NEK2: variants seen among roughly 807,000 people sequenced by gnomAD.
The protein encoded by NEK2 is NIMA related kinase 2, also known as serine/threonine-protein kinase Nek2.
Under a neutral mutation model 54.1 loss-of-function variants are expected in NEK2, and 28 were observed. That is an observed-to-expected ratio of 0.52 (90% confidence interval 0.38 to 0.71). NEK2 has a LOEUF of 0.71. NEK2 is among the 30% of genes least tolerant of loss of function. NEK2 has a pLI of 0.00. For synonymous variants in NEK2, 176 were observed against 193.1 expected (o/e 0.91, Z 0.73); for missense variants, 407 against 531.5 (o/e 0.77, Z 2.30).
Position 211,669,345 on chromosome 1 carries a change from T to G in NEK2, c.766-13A>C. 1 of 1,605,708 alleles carries G rather than the reference T, an allele frequency of 6.2e-7. No individual in the cohort carries two copies. The highest frequency in any genetic ancestry group is 2.2e-5 in the East Asian group (1 of 44,818). On this transcript the variant is annotated splice_polypyrimidine_tract_variant and intron_variant, in intron 5 of 7. Coordinates refer to ENST00000366999, the MANE Select transcript of NEK2 (RefSeq NM_002497.4). ...GTCGATGGTAATCCTGGGGAAAAAATACTCAGTATTATAGTCAGATTGCAT... is the reference window on the plus strand; with the variant it reads ...GTCGATGGTAATCCTGGGGAAAAAAGACTCAGTATTATAGTCAGATTGCAT...
downstream of NEK2, among the ~76,000 whole-genome samples, chr1:211,662,425 T>C (rs1453028395): frequency 6.6e-6 from 1 of 152,216 alleles, no homozygotes; most frequent in Non-Finnish European, 1.5e-5. The surrounding 1 kb of genome is among the most constrained non-coding windows in gnomAD (Gnocchi z 4.2). Context: ...TCCAAACCCA[T>C]GGACATTTTG....
chr1:211,665,026 A>G (rs949234310), intron 7 of NEK2, among the ~76,000 whole-genome samples: 1 of 152,238 alleles, frequency 6.6e-6, no homozygotes, highest in African/African-American at 2.4e-5. Flanking sequence ...TATAAGAAAG[A>G]AAGTGTTTTA....
At chr1:211,674,148 G>A in intron 2 of NEK2, 148 bp downstream of exon 2, 1 of 641,144 alleles carries the variant, frequency 1.6e-6, no homozygotes. Flanking sequence ...AAATATGGGT[G>A]TTGATTCACC....
At chr1:211,659,460 TC>T (rs1654963555), downstream of NEK2, among the ~76,000 whole-genome samples, 1 of 152,204 alleles carries the variant, frequency 6.6e-6, no homozygotes, top group African/African-American at 2.4e-5. Context: ...CTTCTATGAT[TC>T]CATATACACT....
At chr1:211,662,712 C>T (rs1474647410), downstream of NEK2, 1 of 865,536 alleles carries the variant, frequency 1.2e-6, no homozygotes, top group Non-Finnish European at 1.4e-6. This position sits in a 1 kb window ranked among gnomAD's most constrained non-coding sequence, Gnocchi z 4.2. Context: ...CAATGAAGAC[C>T]TACAAATCAT....
chr1:211,675,544 G>T lies in NEK2; in HGVS notation c.-65C>A. 3 of 1,406,212 alleles carry T rather than the reference G, an allele frequency of 2.1e-6. No individual in the cohort carries two copies. The highest frequency in any genetic ancestry group is 1.2e-5 in the South Asian group (1 of 86,098). The allele number at this position is 1,406,212 out of a possible 1,614,324, so 87.1% of individuals were successfully genotyped here. On this transcript the variant is annotated 5_prime_UTR_variant, in exon 1 of 8. Coordinates refer to ENST00000366999, the MANE Select transcript of NEK2 (RefSeq NM_002497.4). ...TGCGCCGCCAAGTGCGGAGCTCCAG[G>T]GACCAGGAACTCCAGGGACCTGGAT...
downstream of NEK2, among the ~76,000 whole-genome samples, chr1:211,659,986 CTT>C (rs1266030378): frequency 6.6e-6 from 1 of 152,064 alleles, no homozygotes; most frequent in African/African-American, 2.4e-5. Flanking sequence ...ACCTGGCTAA[CTT>C]TTAAAAAAAT....
intron 5 of NEK2, 157 bp from the exon 6 acceptor site, chr1:211,669,489 G>A (rs1571644338): frequency 1.5e-6 from 1 of 656,770 alleles, no homozygotes; most frequent in East Asian, 2.7e-5. Flanking sequence ...AAGTTCACTG[G>A]TGGTTTTAAC....
chr1:211,671,288 T>C lies in NEK2; in HGVS notation c.556-4A>G, dbSNP rs760765251. The C allele has an allele frequency of 6.8e-6, 11 of 1,609,382 alleles. No homozygotes were observed. Among genetic ancestry groups the C allele is most frequent in the Middle Eastern group, 1.7e-4 (1 of 6,048 alleles). ...AGGACATGCGATTCATTTGTTCCTA[T>C]ACAGGGAAAAAGGGTAAGAAAGTGG... On this transcript the variant is annotated splice_polypyrimidine_tract_variant and splice_region_variant and intron_variant, in intron 3 of 7. Transcript: ENST00000366999.
At chr1:211,669,600 G>A in intron 5 of NEK2, 1 of 435,752 alleles carries the variant, frequency 2.3e-6, no homozygotes, top group South Asian at 2.4e-5. Flanking sequence ...CTGAAGATTG[G>A]CACATCTTGT....
chr1:211,675,345 C>T lies in NEK2; in HGVS notation c.96+39G>A, dbSNP rs1655546005. Reference sequence around the variant, plus strand: ...GGGCGCTCGCCCCGAGGCGACGAAACCTAAGCAGGGGCAGGCGCAGGGTAG... The same window carrying T: ...GGGCGCTCGCCCCGAGGCGACGAAATCTAAGCAGGGGCAGGCGCAGGGTAG... On this transcript the variant is annotated intron_variant, in intron 1 of 7. Transcript: ENST00000366999. 7 of 1,592,216 alleles carry T rather than the reference C, an allele frequency of 4.4e-6. No individual in the cohort carries two copies. In the East Asian group the frequency reaches 1.3e-4, roughly 30 times the overall value.
At chr1:211,663,719 C>T (rs991843328) in intron 7 of NEK2, 67 bp from the exon 8 acceptor site, 11 of 1,449,410 alleles carry the variant, frequency 7.6e-6, no homozygotes, top group Non-Finnish European at 9.4e-6. Flanking sequence ...CATACTTATA[C>T]TTATCAAAAA....
At position 211,669,231 on chromosome 1, in the gene NEK2, T is replaced by C. The variant is rs571593081; in HGVS notation, c.867A>G (p.Gln289=). The change falls in exon 6 of 8, where the codon CAA becomes CAG. Residue 289 remains glutamine, a synonymous_variant. Coordinates refer to ENST00000366999, the MANE Select transcript of NEK2 (RefSeq NM_002497.4). The stretch of plus-strand genomic sequence containing the variant: ...CCTGCGATTTTTCTGGCTCTCCTAA[T>C]TGTCGCCCTCTTCTCTCAAGATTTC... ...QRRNLERRGR[Q]LGEPEKSQDS... The C allele has an allele frequency of 4.6e-5, 75 of 1,613,974 alleles. No individual in the cohort carries two copies. Among genetic ancestry groups the C allele is most frequent in the African/African-American group, 2.7e-5 (2 of 74,928 alleles).
downstream of NEK2, chr1:211,661,345 C>T: frequency 2.4e-6 from 1 of 423,964 alleles, no homozygotes; most frequent in Non-Finnish European, 4.4e-6. Context: ...GGCCTATCTA[C>T]TCATCTAATT....
rs751965926 is a variant in NEK2 at position 211,674,360 on chromosome 1, T to C, written c.250A>G (p.Ile84Val). ...IIDRTNTTLY[I>V]VMEYCEGGDL... Reference sequence around the variant, plus strand: ...CCTCCTTCACAATATTCCATTACAATGTACAGTGTTGTATTGGTCCGGTCA... The same window carrying C: ...CCTCCTTCACAATATTCCATTACAACGTACAGTGTTGTATTGGTCCGGTCA... Residue 84 changes from isoleucine (I) to valine (V), a missense_variant, in exon 2 of 8, where the codon ATT becomes GTT. Ile to Val is a conservative substitution (Grantham distance 29). Transcript: ENST00000366999. The C allele has an allele frequency of 1.2e-6, 2 of 1,614,076 alleles. No homozygotes were observed. The highest frequency in any genetic ancestry group is 4.5e-5 in the East Asian group (2 of 44,872).
At chr1:211,658,286 C>CT (rs541693722), downstream of NEK2, among the ~76,000 whole-genome samples, 92 of 148,484 alleles carry the variant, frequency 6.2e-4, no homozygotes, top group East Asian at 0.011. Flanking sequence ...TATTTATTTA[C>CT]TTTTTTTTTT....
At chr1:211,671,582 A>C (rs926684148) in intron 3 of NEK2, among the ~76,000 whole-genome samples, 1 of 152,240 alleles carries the variant, frequency 6.6e-6, no homozygotes, top group African/African-American at 2.4e-5. Flanking sequence ...ATTAAGAAAC[A>C]CCATTTTAAA....
chr1:211,661,157 C>T (rs1655008886), downstream of NEK2: 16 of 741,176 alleles, frequency 2.2e-5, no homozygotes, highest in South Asian at 2.2e-4. Flanking sequence ...GGTGCCCCAT[C>T]TCATCCTCAG....
intron 5 of NEK2, 61 bp downstream of exon 5, chr1:211,670,220 G>T: frequency 1.3e-6 from 2 of 1,487,540 alleles, no homozygotes; most frequent in Non-Finnish European, 1.8e-6. Flanking sequence ...AAGAGAGAAT[G>T]TATGCTCTGA....
Sources: allele counts gnomAD v4.1 joint callset (sites outside exome capture counted in the v4.1 genomes callset), GRCh38; gene constraint gnomAD v4.1.1; non-coding constraint Gnocchi (gnomAD v3.1); transcripts MANE v1.5; gene names NCBI Gene and HGNC (gene_info 2026-07-23, HGNC 2026-07-21).